Variants in HDAC9 observed in about 807,000 individuals in gnomAD.
HDAC9 encodes the protein histone deacetylase 9.
In HDAC9, 41 loss-of-function variants were observed where a neutral mutation model predicts 139.4. The observed-to-expected ratio is 0.29, with a 90% CI of 0.23 to 0.38. HDAC9 has a LOEUF of 0.38. Ranked by LOEUF, HDAC9 falls within the 10% of genes least tolerant of loss-of-function variation. The pLI, the probability that HDAC9 is intolerant of heterozygous loss-of-function variation, is 1.00. For synonymous variants in HDAC9, 517 were observed against 476.2 expected (o/e 1.09, Z -1.12); for missense variants, 1,147 against 1,297.0 (o/e 0.88, Z 1.78).
At chr7:18,544,913 G>A (rs1211564174) in intron 2 of HDAC9, among the ~76,000 whole-genome samples, 2 of 152,094 alleles carry the variant, frequency 1.3e-5, no homozygotes, top group African/African-American at 4.8e-5. Context: ...GAGTGATTTT[G>A]CCCTCCAGGA....
intron 2 of HDAC9, among the ~76,000 whole-genome samples, chr7:18,184,918 C>G (rs930033136): frequency 6.6e-6 from 1 of 152,136 alleles, no homozygotes; most frequent in Non-Finnish European, 1.5e-5. Flanking sequence ...CAGAGCTTGC[C>G]TTAGTCTGTA....
At chr7:18,975,732 G>C in intron 24 of HDAC9, 74 bp from the exon 25 acceptor site, 1 of 1,394,802 alleles carries the variant, frequency 7.2e-7, no homozygotes. Flanking sequence ...GCTCTGAGTT[G>C]GACGTATGTG....
rs981347450 is a variant in HDAC9 at position 18,298,285 on chromosome 7, T to TC, written c.-42+7770_-42+7771insC. Among the ~76,000 whole-genome samples the TC allele has an allele frequency of 1.6e-3, 237 of 150,310 alleles. 1 individual carries two copies. In the East Asian group the frequency reaches 0.016, roughly 10 times the overall value. On this transcript the variant is annotated intron_variant, in intron 1 of 3. Coordinates refer to the HDAC9 transcript ENST00000413509. ...TGTAAGACCTACATTTTTATGTTTTTTTTTTTTTTTTTTATTATACTTTAA... is the reference window on the plus strand; with the variant it reads ...TGTAAGACCTACATTTTTATGTTTTTCTTTTTTTTTTTTTATTATACTTTAA...
chr7:18,949,923 A>G (rs573389763), intron 23 of HDAC9, among the ~76,000 whole-genome samples: 8 of 152,182 alleles, frequency 5.3e-5, no homozygotes, highest in African/African-American at 1.7e-4. Context: ...ATATACACAT[A>G]CATAATTTAC....
At chr7:18,140,464 A>G (rs1785819917) in intron 1 of HDAC9, among the ~76,000 whole-genome samples, 1 of 152,230 alleles carries the variant, frequency 6.6e-6, no homozygotes, top group Non-Finnish European at 1.5e-5. Context: ...CTTAGACTAG[A>G]TCCAGATTTT....
At chr7:18,256,501 A>T (rs563035350) in intron 2 of HDAC9, among the ~76,000 whole-genome samples, 1 of 152,192 alleles carries the variant, frequency 6.6e-6, no homozygotes, top group South Asian at 2.1e-4. Flanking sequence ...CATGCAGCCA[A>T]TGAAGAGCCT....
chr7:18,424,164 C>G (rs1364667865), intron 1 of HDAC9, among the ~76,000 whole-genome samples: 2 of 152,186 alleles, frequency 1.3e-5, no homozygotes, highest in African/African-American at 4.8e-5. Context: ...ACTTCTCATT[C>G]AAGTCAATTT....
intron 6 of HDAC9, among the ~76,000 whole-genome samples, chr7:18,601,696 G>T (rs1833993842): frequency 6.6e-6 from 1 of 152,076 alleles, no homozygotes. Flanking sequence ...GTTGGGTTTT[G>T]TCAAGTCTCT....
At chr7:18,334,966 C>T (rs547322949) in intron 1 of HDAC9, among the ~76,000 whole-genome samples, 5 of 151,570 alleles carry the variant, frequency 3.3e-5, no homozygotes, top group African/African-American at 1.2e-4. Flanking sequence ...CACTACCCTG[C>T]ACACTTAGGA....
intron 4 of HDAC9, among the ~76,000 whole-genome samples, chr7:18,590,703 A>G (rs1050780649): frequency 2.0e-5 from 3 of 152,188 alleles, no homozygotes; most frequent in African/African-American, 4.8e-5. Context: ...ACGTAACATT[A>G]TCTGGCAAAG....
intron 1 of HDAC9, among the ~76,000 whole-genome samples, chr7:18,469,212 AT>A (rs1279748308): frequency 3.9e-5 from 6 of 152,254 alleles, no homozygotes; most frequent in African/African-American, 9.6e-5. Context: ...TGTGTATGTG[AT>A]TTTTTAAAAC....
intron 1 of HDAC9, among the ~76,000 whole-genome samples, chr7:18,425,858 G>T (rs1790068902): frequency 6.6e-6 from 1 of 152,166 alleles, no homozygotes; most frequent in Non-Finnish European, 1.5e-5. Context: ...CTTAGAACAG[G>T]TTTGTTTTGT....
intron 14 of HDAC9, among the ~76,000 whole-genome samples, chr7:18,753,043 C>A (rs1035893476): frequency 6.6e-6 from 1 of 151,880 alleles, no homozygotes; most frequent in Non-Finnish European, 1.5e-5. Context: ...TGTATCCATT[C>A]GATGATGTTT....
intron 2 of HDAC9, among the ~76,000 whole-genome samples, chr7:18,501,444 TA>T (rs1185439339): frequency 6.6e-6 from 1 of 152,128 alleles, no homozygotes; most frequent in East Asian, 1.9e-4. Context: ...TATTTAACCT[TA>T]AAGAGGTCTT....
intron 2 of HDAC9, among the ~76,000 whole-genome samples, chr7:18,534,407 C>T (rs1038461908): frequency 1.3e-5 from 2 of 152,154 alleles, no homozygotes; most frequent in African/African-American, 4.8e-5. Context: ...ATTAGCCAGG[C>T]ATGGCAGTGC....
chr7:18,866,334 A>G (rs1798494173), intron 21 of HDAC9, among the ~76,000 whole-genome samples: 1 of 151,880 alleles, frequency 6.6e-6, no homozygotes, highest in South Asian at 2.1e-4. Flanking sequence ...TTACATGCTT[A>G]CTTGTTTATT....
intron 12 of HDAC9, chr7:18,668,223 A>G (rs1795371277): frequency 2.2e-6 from 2 of 915,378 alleles, no homozygotes; most frequent in South Asian, 1.0e-4. Flanking sequence ...TTTCCACATA[A>G]TGAAAGTCCT....
intron 1 of HDAC9, among the ~76,000 whole-genome samples, chr7:18,482,539 T>C (rs756221778): frequency 6.6e-6 from 1 of 152,066 alleles, no homozygotes. Flanking sequence ...TGAGATGTTA[T>C]TAGAGTTATC....
chr7:18,748,848 C>G lies in HDAC9; in HGVS notation c.1910-157C>G, dbSNP rs368019095. Among the ~76,000 whole-genome samples the G allele has an allele frequency of 2.4e-3, 358 of 152,220 alleles. 1 individual carries two copies. Among genetic ancestry groups the G allele is most frequent in the African/African-American group, 8.5e-3 (355 of 41,534 alleles). On this transcript the variant is annotated intron_variant, in intron 13 of 25. Transcript: ENST00000686413. ...TCCAGATAGACAGGTCTCAATAGTTCTTATGTGCTCCTGAGAATTTGCTTT... is the reference window on the plus strand; with the variant it reads ...TCCAGATAGACAGGTCTCAATAGTTGTTATGTGCTCCTGAGAATTTGCTTT...
Sources: allele counts gnomAD v4.1 joint callset (sites outside exome capture counted in the v4.1 genomes callset), GRCh38; gene constraint gnomAD v4.1.1; transcripts MANE v1.5; gene names NCBI Gene and HGNC (gene_info 2026-07-23, HGNC 2026-07-21).